Variants in RAB11FIP5 observed in about 807,000 individuals in gnomAD.
The protein encoded by RAB11FIP5 is rab11 family-interacting protein 5.
A neutral mutation model predicts 85.1 loss-of-function variants in RAB11FIP5; 48 were observed. The observed-to-expected ratio is 0.56, with a 90% CI of 0.45 to 0.72. The LOEUF is 0.72. Ranked by LOEUF, RAB11FIP5 falls within the 30% of genes least tolerant of loss-of-function variation. The probability of loss-of-function intolerance (pLI) is 0.00; values close to 1 mark genes in which losing one functional copy is unlikely to be tolerated. For missense variants in RAB11FIP5, 1,491 were observed against 1,687.0 expected (o/e 0.88, Z 2.04); for synonymous variants, 729 against 727.3 (o/e 1.00, Z -0.04).
chr2:73,110,917 A>G (rs922873034), intron 1 of RAB11FIP5, among the ~76,000 whole-genome samples: 7 of 152,134 alleles, frequency 4.6e-5, no homozygotes, highest in Non-Finnish European at 1.0e-4. Flanking sequence ...CCTCTTCTGA[A>G]AAAGAATGGG....
chr2:73,079,864 G>A lies in RAB11FIP5; in HGVS notation c.3368C>T (p.Pro1123Leu). 8.1e-7 allele frequency: 1 copy of A among 1,232,442 alleles called. No individual in the cohort carries two copies. The highest frequency in any genetic ancestry group is 1.0e-6 in the Non-Finnish European group (1 of 988,204). The allele number at this position is 1,232,442 out of a possible 1,614,324, so 76.3% of individuals were successfully genotyped here. A position where few individuals can be genotyped will look rare whatever the true frequency, so the allele number is the denominator to read the frequency against. ...WASHHRGGPS[P>L]PCSPLSEAWP... is the part of the protein sequence containing the mutation. ...GGCTTCAGACAGGGGAGAGCATGGAGGGCTGGGCCCCCCACGGTGGTGGCT... is the reference window on the plus strand; with the variant it reads ...GGCTTCAGACAGGGGAGAGCATGGAAGGCTGGGCCCCCCACGGTGGTGGCT... Residue 1123 changes from proline to leucine, a missense_variant, in exon 4 of 6, where the codon CCT becomes CTT. Around this residue, in one of 3 missense-constraint regions of RAB11FIP5, gnomAD observed 232 missense variants for 259.1 expected, o/e 0.90. Transcript: ENST00000486777.
intron 1 of RAB11FIP5, among the ~76,000 whole-genome samples, chr2:73,098,521 T>G (rs1457826665): frequency 6.6e-6 from 1 of 152,166 alleles, no homozygotes; most frequent in Non-Finnish European, 1.5e-5. Context: ...GTGTGAGCAC[T>G]GAGGTAAGGA....
intron 1 of RAB11FIP5, among the ~76,000 whole-genome samples, chr2:73,097,257 G>C (rs375123132): frequency 1.3e-5 from 2 of 151,866 alleles, no homozygotes; most frequent in African/African-American, 2.4e-5. Context: ...CACTGGTCTC[G>C]AATTCCCGAC....
chr2:73,107,576 G>C (rs1684553955), intron 1 of RAB11FIP5, among the ~76,000 whole-genome samples: 1 of 152,046 alleles, frequency 6.6e-6, no homozygotes, highest in Non-Finnish European at 1.5e-5. Context: ...GGGAGGGCAG[G>C]GGAAGCTGCC....
intron 1 of RAB11FIP5, among the ~76,000 whole-genome samples, chr2:73,105,774 C>T (rs897006911): frequency 1.3e-5 from 2 of 151,750 alleles, no homozygotes; most frequent in Non-Finnish European, 2.9e-5. Flanking sequence ...AGCAGCTGAG[C>T]ACCTGGCCCT....
chr2:73,076,151 G>C lies in RAB11FIP5; in HGVS notation c.3613C>G (p.Pro1205Ala), dbSNP rs1196343592. 3.1e-6 allele frequency: 5 copies of C among 1,613,044 alleles called. No individual in the cohort carries two copies. The highest frequency in any genetic ancestry group is 1.3e-5 in the African/African-American group (1 of 74,900). ...PHPVKPLSAAPVEGSPDRKQS... is the reference protein window; with the variant it reads ...PHPVKPLSAAAVEGSPDRKQS... ...TTCCTGTCGGGGCTGCCCTCCACAGGGGCGGCACTGAGGGGCTTCACGGGG... is the reference window on the plus strand; with the variant it reads ...TTCCTGTCGGGGCTGCCCTCCACAGCGGCGGCACTGAGGGGCTTCACGGGG... Residue 1205 changes from proline (P) to alanine (A), a missense_variant, in exon 5 of 6, where the codon CCT becomes GCT. By Grantham distance (27) the Pro-to-Ala change is conservative (BLOSUM62 -1). Around this residue, in one of 3 missense-constraint regions of RAB11FIP5, gnomAD observed 232 missense variants for 259.1 expected, o/e 0.90. Coordinates refer to ENST00000486777, the MANE Select transcript of RAB11FIP5 (RefSeq NM_001371272.1).
rs1317349821 is a variant in RAB11FIP5, at chr2:73,081,712, G to A, written c.1569-49C>T. On this transcript the variant is annotated intron_variant, in intron 3 of 5. Transcript: ENST00000486777. This position sits in a 1 kb window ranked among gnomAD's most constrained non-coding sequence, Gnocchi z 4.2. ...AGCCTCCTGGTTAATGCCAAGACTGGAAAGGCCCCTGAGTCCCACGCCCCA... is the reference window on the plus strand; with the variant it reads ...AGCCTCCTGGTTAATGCCAAGACTGAAAAGGCCCCTGAGTCCCACGCCCCA... 22 of 1,228,780 alleles carry A rather than the reference G, an allele frequency of 1.8e-5. No individual in the cohort carries two copies. Among genetic ancestry groups the A allele is most frequent in the Non-Finnish European group, 2.2e-5 (22 of 985,082 alleles). The allele number at this position is 1,228,780 out of a possible 1,614,324, so 76.1% of individuals were successfully genotyped here.
intron 3 of RAB11FIP5, among the ~76,000 whole-genome samples, chr2:73,082,346 T>C (rs1012753707): frequency 2.0e-5 from 3 of 151,974 alleles, no homozygotes; most frequent in Non-Finnish European, 4.4e-5. Flanking sequence ...CCAGCTGGCA[T>C]GGGGGGATAA....
At chr2:73,103,863 G>A (rs960240294) in intron 1 of RAB11FIP5, among the ~76,000 whole-genome samples, 1 of 152,090 alleles carries the variant, frequency 6.6e-6, no homozygotes, top group Admixed American at 6.5e-5. Flanking sequence ...CTGGCAGGTG[G>A]AAAAATAAAG....
At position 73,073,674 on chromosome 2, in the gene RAB11FIP5, G is replaced by C. The variant is rs1485593340; in HGVS notation, c.*1847C>G. The C allele has an allele frequency of 5.3e-5, 8 of 152,244 alleles. No individual in the cohort carries two copies. Among genetic ancestry groups the C allele is most frequent in the Admixed American group, 5.2e-4 (8 of 15,284 alleles). The allele number at this position is 152,244 out of a possible 1,614,324, so 9.4% of individuals were successfully genotyped here. A position where few individuals can be genotyped will look rare whatever the true frequency, so the allele number is the denominator to read the frequency against. On this transcript the variant is annotated 3_prime_UTR_variant, in exon 6 of 6. Coordinates refer to ENST00000486777, the MANE Select transcript of RAB11FIP5 (RefSeq NM_001371272.1). ...AAAGCCCAGAGGAATCCCCAGTAGG[G>C]GGGGTGACTCCCCCTCTCTCAGAAA...
Position 73,088,208 on chromosome 2 carries a change from T to TTGG in RAB11FIP5, c.1407_1409dup (p.His469dup), listed in dbSNP as rs533920101. The TTGG allele has an allele frequency of 5.0e-5, 80 of 1,613,860 alleles. No individual in the cohort carries two copies. The East Asian group carries it at 1.4e-3, about 29-fold the overall frequency. On this transcript the variant is annotated inframe_insertion, in exon 3 of 6. Coordinates refer to ENST00000486777, the MANE Select transcript of RAB11FIP5 (RefSeq NM_001371272.1). ...GACCCAACTCGCTCCGACTTAGGCC[T>TTGG]TGGTGGTGGTGGTGGAAGAGACCCA...
chr2:73,075,978 C>A lies in RAB11FIP5; in HGVS notation c.3771+15G>T, dbSNP rs1176531570. On this transcript the variant is annotated intron_variant, in intron 5 of 5. Transcript: ENST00000486777. This position sits in a 1 kb window ranked among gnomAD's most constrained non-coding sequence, Gnocchi z 4.6. ...ACATTCTGTCAGATGGCCCCCACACCCTGCTGGGCCTTACCTTCAGCCTTT... is the reference window on the plus strand; with the variant it reads ...ACATTCTGTCAGATGGCCCCCACACACTGCTGGGCCTTACCTTCAGCCTTT... 4 of 1,603,662 alleles carry A rather than the reference C, an allele frequency of 2.5e-6. No individual in the cohort carries two copies. Among genetic ancestry groups the A allele is most frequent in the Non-Finnish European group, 3.4e-6 (4 of 1,172,494 alleles).
intron 1 of RAB11FIP5, among the ~76,000 whole-genome samples, chr2:73,100,114 C>T (rs1191071506): frequency 6.6e-6 from 1 of 152,190 alleles, no homozygotes; most frequent in Non-Finnish European, 1.5e-5. Context: ...ACTCCCCTCA[C>T]CTAGCTTCCC....
rs536535862 is a variant in RAB11FIP5, at chr2:73,088,339, G to A, written c.1279C>T (p.Arg427Trp). The change falls in exon 3 of 6, where the codon CGG (arginine) becomes TGG (tryptophan). Residue 427 changes from arginine (R) to tryptophan (W), a missense_variant. By Grantham distance (101) the Arg-to-Trp change is moderately radical (BLOSUM62 -3). This residue lies in a region of RAB11FIP5 where 1,211 missense variants were observed against 1,338.0 expected (regional missense o/e 0.91). Coordinates refer to ENST00000486777, the MANE Select transcript of RAB11FIP5 (RefSeq NM_001371272.1). ...TGGACTGGCTTGCCCTCTGGTAGCC[G>A]GGCCCCCTCCTCCTCTCCAGGGTGG... Reference protein sequence around the residue: ...ASHPGEEEGARLPEGKPVQVA... With the variant: ...ASHPGEEEGAWLPEGKPVQVA... 1.1e-4 allele frequency: 172 copies of A among 1,613,592 alleles called. 1 individual carries two copies. The South Asian group carries it at 1.3e-3, about 12-fold the overall frequency.
rs1033905570 is a variant in RAB11FIP5 at position 73,075,026 on chromosome 2, G to A, written c.*495C>T. On this transcript the variant is annotated 3_prime_UTR_variant, in exon 6 of 6. Transcript: ENST00000486777. The surrounding 1 kb of genome is among the most constrained non-coding windows in gnomAD (Gnocchi z 4.6). ...GTGAGGCTGAAGAGGCTGGTTGCCC[G>A]TAACTCACAGACAAACAGGCAGCGT... 7.8e-5 allele frequency: 28 copies of A among 357,462 alleles called. No individual in the cohort carries two copies. The highest frequency in any genetic ancestry group is 5.0e-5 in the Non-Finnish European group (9 of 181,518). 22.1% of individuals were successfully genotyped at this position (357,462 alleles called of 1,614,324 possible).
Position 73,088,642 on chromosome 2 carries a change from C to T in RAB11FIP5, c.976G>A (p.Gly326Ser), listed in dbSNP as rs1574297533. The change falls in exon 3 of 6, where the codon GGC becomes AGC. Residue 326 changes from glycine (G) to serine (S), a missense_variant. Physicochemically the swap from Gly to Ser is moderately conservative, Grantham distance 56 (BLOSUM62 0). Coordinates refer to ENST00000486777, the MANE Select transcript of RAB11FIP5 (RefSeq NM_001371272.1). ...APPRALLDLQGHLDAASRSSL... is the reference protein window; with the variant it reads ...APPRALLDLQSHLDAASRSSL... ...GAGCGGGAGGCAGCATCCAGGTGGC[C>T]CTGAAGGTCCAGAAGGGCCCGAGGA... is the stretch of plus-strand genomic sequence containing the variant. The T allele has an allele frequency of 6.2e-7, 1 of 1,613,254 alleles. No homozygotes were observed.
At position 73,079,912 on chromosome 2, in the gene RAB11FIP5, G is replaced by A. The variant is rs1010816568; in HGVS notation, c.3320C>T (p.Pro1107Leu). The A allele has an allele frequency of 4.8e-5, 59 of 1,232,290 alleles. No homozygotes were observed. The highest frequency in any genetic ancestry group is 5.2e-5 in the Non-Finnish European group (51 of 988,188). The allele number at this position is 1,232,290 out of a possible 1,614,324, so 76.3% of individuals were successfully genotyped here. The change falls in exon 4 of 6, where the codon CCG becomes CTG. Residue 1107 changes from proline (P) to leucine (L), a missense_variant. By Grantham distance (98) the Pro-to-Leu change is moderately conservative (BLOSUM62 -3). Around this residue, in one of 3 missense-constraint regions of RAB11FIP5, gnomAD observed 48 missense variants for 89.9 expected, o/e 0.53. Transcript: ENST00000486777. ...GCTGGCCCAAGGCGGGAGAGGGGGC[G>A]GTGGAAAGTCAGGCTCTGGGGGAGT... The part of the protein sequence containing the change: ...LPTPPEPDFP[P>L]PPLPPWASHH...
intron 4 of RAB11FIP5, 58 bp from the exon 5 acceptor site, chr2:73,076,240 T>G (rs1226231139): frequency 2.2e-5 from 32 of 1,457,148 alleles, no homozygotes; most frequent in Non-Finnish European, 2.9e-5. Context: ...GGGTCAAAGG[T>G]GGGGCTGCCT....
rs1457317380 is a variant in RAB11FIP5, at chr2:73,087,127, G to A, written c.1568+923C>T. ...GCCATGGAGCGGGAAGGGCAGGCTT[G>A]TTGAGAGAAACAGTGCTCTCACCAC... On this transcript the variant is annotated intron_variant, in intron 3 of 5. Transcript: ENST00000486777. 2.6e-5 allele frequency among the ~76,000 whole-genome samples: 4 copies of A among 152,210 alleles called. No homozygotes were observed. The East Asian group carries it at 7.7e-4, about 29-fold the overall frequency.
Sources: gnomAD v4.1 joint callset for allele counts (sites outside exome capture counted in the v4.1 genomes callset) on GRCh38, gnomAD v4.1.1 for gene constraint, gnomAD v4.1.1 regional missense constraint, Gnocchi (gnomAD v3.1) non-coding constraint, MANE v1.5 for transcripts, NCBI Gene and HGNC (gene_info 2026-07-23, HGNC 2026-07-21) for gene names.